Variants in PPARGC1A observed in about 807,000 individuals in gnomAD.
The protein encoded by PPARGC1A is PPARG coactivator 1 alpha.
In PPARGC1A, 25 loss-of-function variants were observed where a neutral mutation model predicts 88.7. The observed-to-expected ratio is 0.28, with a 90% CI of 0.21 to 0.39. The LOEUF (loss-of-function observed/expected upper bound fraction) is 0.39. Ranked by LOEUF, PPARGC1A falls within the 10% of genes least tolerant of loss-of-function variation. The pLI, the probability that PPARGC1A is intolerant of heterozygous loss-of-function variation, is 1.00. For missense variants in PPARGC1A, 880 were observed against 968.7 expected (o/e 0.91, Z 1.22); for synonymous variants, 363 against 355.6 (o/e 1.02, Z -0.24).
chr4:24,389,512 C>T, the PPARGC1A span, among the ~76,000 whole-genome samples: 9 of 151,960 alleles, frequency 5.9e-5, no homozygotes, highest in East Asian at 1.9e-4. Context: ...TGAGGTCTTA[C>T]GAATATTAAG....
At chr4:24,098,089 T>C in the PPARGC1A span, among the ~76,000 whole-genome samples, 5 of 152,340 alleles carry the variant, frequency 3.3e-5, no homozygotes, top group South Asian at 1.0e-3. Flanking sequence ...TCAAATGATT[T>C]GGAAAGAAAA....
At chr4:24,160,865 C>G in the PPARGC1A span, among the ~76,000 whole-genome samples, 1 of 152,120 alleles carries the variant, frequency 6.6e-6, no homozygotes, top group African/African-American at 2.4e-5. Flanking sequence ...ACCTACTGAA[C>G]AAAACACTCA....
chr4:23,801,888 C>T lies in PPARGC1A; in HGVS notation c.2142-7G>A, dbSNP rs767802155. ...AATGAAACCATAGCTGTCTCTGCAA[C>T]GGACAAAGAAAAGTTCAAAGCTGGT... is the stretch of plus-strand genomic sequence containing the variant. On this transcript the variant is annotated splice_polypyrimidine_tract_variant and splice_region_variant and intron_variant, in intron 11 of 12. Transcript: ENST00000264867. 2.6e-5 allele frequency: 42 copies of T among 1,613,576 alleles called. No homozygotes were observed. The highest frequency in any genetic ancestry group is 1.1e-4 in the South Asian group (10 of 91,072).
chr4:23,811,107 C>T (rs543135568), intron 10 of PPARGC1A, among the ~76,000 whole-genome samples: 161 of 152,192 alleles, frequency 1.1e-3, no homozygotes, highest in Admixed American at 0.01. Flanking sequence ...GGCAGCAAAC[C>T]CTCCAAAACT....
chr4:24,426,744 C>G, the PPARGC1A span, among the ~76,000 whole-genome samples: 1 of 152,096 alleles, frequency 6.6e-6, no homozygotes, highest in Admixed American at 6.6e-5. Flanking sequence ...GGCTTGCGTG[C>G]ATGGATTTTT....
At chr4:24,219,725 A>G in the PPARGC1A span, among the ~76,000 whole-genome samples, 3 of 152,152 alleles carry the variant, frequency 2.0e-5, no homozygotes, top group Non-Finnish European at 4.4e-5. Context: ...TGGATATTTG[A>G]TGATCAGTGT....
the PPARGC1A span, among the ~76,000 whole-genome samples, chr4:24,038,705 T>A: frequency 6.6e-6 from 1 of 152,166 alleles, no homozygotes; most frequent in African/African-American, 2.4e-5. Context: ...CAGTTCTTTT[T>A]TTCACTCCCT....
At chr4:24,309,332 C>A in the PPARGC1A span, among the ~76,000 whole-genome samples, 3 of 151,984 alleles carry the variant, frequency 2.0e-5, no homozygotes, top group Non-Finnish European at 4.4e-5. Context: ...AGGGGTAATG[C>A]AAAGATGCAT....
rs149018936 is a variant in PPARGC1A, at chr4:23,801,825, T to A, written c.2198A>T (p.Glu733Val). The A allele has an allele frequency of 8.6e-5, 138 of 1,614,022 alleles. No homozygotes were observed. Among genetic ancestry groups the A allele is most frequent in the Non-Finnish European group, 1.1e-4 (130 of 1,179,970 alleles). The change falls in exon 12 of 13, where the codon GAA (glutamate) becomes GTA (valine). Residue 733 changes from glutamate to valine, a missense_variant. Coordinates refer to ENST00000264867, the MANE Select transcript of PPARGC1A (RefSeq NM_013261.5). ...RYTCDAFAAL[E>V]NGYTLRRSNE... ...TGACCTGCGCAAAGTGTATCCATTT[T>A]CAAGAGCAGCAAAAGCATCACAGGT... is the stretch of plus-strand genomic sequence containing the variant.
the PPARGC1A span, among the ~76,000 whole-genome samples, chr4:24,362,727 C>T: frequency 6.6e-6 from 1 of 152,302 alleles, no homozygotes; most frequent in Admixed American, 6.5e-5. Flanking sequence ...TCTCCATTAG[C>T]TGACATCATC....
the PPARGC1A span, among the ~76,000 whole-genome samples, chr4:24,173,355 A>AG: frequency 1.3e-5 from 2 of 151,480 alleles, no homozygotes; most frequent in Non-Finnish European, 2.9e-5. Context: ...AAAAAAAAAA[A>AG]AAGAAAAAAA....
At chr4:24,062,317 T>A in the PPARGC1A span, among the ~76,000 whole-genome samples, 1 of 152,186 alleles carries the variant, frequency 6.6e-6, no homozygotes, top group African/African-American at 2.4e-5. Flanking sequence ...TATGACTGTG[T>A]TCAACTAGGT....
the PPARGC1A span, among the ~76,000 whole-genome samples, chr4:24,131,912 G>C: frequency 6.6e-6 from 1 of 152,152 alleles, no homozygotes; most frequent in Non-Finnish European, 1.5e-5. Flanking sequence ...CCACCAGATT[G>C]TTAAGGCAAA....
the PPARGC1A span, among the ~76,000 whole-genome samples, chr4:23,929,157 A>G: frequency 6.6e-6 from 1 of 152,166 alleles, no homozygotes; most frequent in Non-Finnish European, 1.5e-5. Context: ...ATAAAATAAT[A>G]ATGAATAAAT....
At chr4:24,002,928 A>T in the PPARGC1A span, among the ~76,000 whole-genome samples, 2 of 152,160 alleles carry the variant, frequency 1.3e-5, no homozygotes, top group African/African-American at 2.4e-5. Flanking sequence ...AGGATCTTGA[A>T]TTTTTTCCAA....
the PPARGC1A span, among the ~76,000 whole-genome samples, chr4:24,386,370 T>G: frequency 6.6e-6 from 1 of 152,136 alleles, no homozygotes; most frequent in Non-Finnish European, 1.5e-5. Context: ...TTATTCAACA[T>G]AGTATTCGAA....
the PPARGC1A span, among the ~76,000 whole-genome samples, chr4:24,394,568 G>C: frequency 6.6e-6 from 1 of 152,204 alleles, no homozygotes; most frequent in Non-Finnish European, 1.5e-5. Context: ...TTTGAGATAA[G>C]CCAAGCATCT....
the PPARGC1A span, among the ~76,000 whole-genome samples, chr4:24,232,642 A>G: frequency 1.3e-5 from 2 of 152,190 alleles, no homozygotes; most frequent in Non-Finnish European, 2.9e-5. Context: ...ATACTTTTTA[A>G]AAAATTTATA....
At chr4:24,457,551 GTTTGTTTGT>G in the PPARGC1A span, among the ~76,000 whole-genome samples, 1 of 151,548 alleles carries the variant, frequency 6.6e-6, no homozygotes, top group East Asian at 1.9e-4. Flanking sequence ...TTGTTTGTTT[GTTTGTTTGT>G]TTTAAGATGG....
Sources: gnomAD v4.1 joint callset for allele counts (sites outside exome capture counted in the v4.1 genomes callset) on GRCh38, gnomAD v4.1.1 for gene constraint, MANE v1.5 for transcripts, NCBI Gene and HGNC (gene_info 2026-07-23, HGNC 2026-07-21) for gene names.